The following NKAIN3 variants were observed in gnomAD, a reference collection of about 807,000 sequenced individuals.
NKAIN3 encodes sodium/potassium-transporting ATPase subunit beta-1-interacting protein 3.
Under a neutral mutation model 30.2 loss-of-function variants are expected in NKAIN3, and 25 were observed. That is an observed-to-expected ratio of 0.83 (90% CI 0.60 to 1.16). The LOEUF (loss-of-function observed/expected upper bound fraction) is 1.16. Among genes scored for constraint, NKAIN3 ranks in the 50% most tolerant of loss-of-function variants. The probability of loss-of-function intolerance (pLI) is 0.00; values close to 1 mark genes in which losing one functional copy is unlikely to be tolerated. For missense variants in NKAIN3, 225 were observed against 254.1 expected, an observed-to-expected ratio of 0.89 and a Z score of 0.78; for synonymous variants, 91 against 89.6, an observed-to-expected ratio of 1.02 and a Z score of -0.09.
intron 4 of NKAIN3, among the ~76,000 whole-genome samples, chr8:62,825,368 T>C (rs1818987907): frequency 6.6e-6 from 1 of 152,228 alleles, no homozygotes; most frequent in Admixed American, 6.5e-5. Flanking sequence ...ATAAATTGTG[T>C]ATGTCCAATT....
At chr8:62,710,278 G>A (rs776670043) in intron 3 of NKAIN3, among the ~76,000 whole-genome samples, 1 of 151,990 alleles carries the variant, frequency 6.6e-6, no homozygotes, top group Non-Finnish European at 1.5e-5. Flanking sequence ...TTTCTTTGTT[G>A]ACTTTCTGTC....
chr8:62,363,324 G>A (rs553826884), intron 1 of NKAIN3, among the ~76,000 whole-genome samples: 1 of 152,138 alleles, frequency 6.6e-6, no homozygotes, highest in Non-Finnish European at 1.5e-5. Flanking sequence ...TGTAAGGAGA[G>A]CTCACTTTTT....
intron 1 of NKAIN3, among the ~76,000 whole-genome samples, chr8:62,519,099 A>G (rs1257081205): frequency 6.6e-6 from 1 of 152,196 alleles, no homozygotes; most frequent in African/African-American, 2.4e-5. Flanking sequence ...GGACACAAAA[A>G]AGAAGTTGGA....
intron 4 of NKAIN3, among the ~76,000 whole-genome samples, chr8:62,772,522 T>G (rs1817051764): frequency 6.6e-6 from 1 of 152,214 alleles, no homozygotes; most frequent in African/African-American, 2.4e-5. Context: ...TGGATAAAAC[T>G]ATTTTAACTG....
At chr8:62,312,933 A>G (rs1287848113) in intron 1 of NKAIN3, among the ~76,000 whole-genome samples, 1 of 152,104 alleles carries the variant, frequency 6.6e-6, no homozygotes, top group East Asian at 1.9e-4. Context: ...CTCGAAGTTG[A>G]ATATTTAAAC....
chr8:62,578,225 A>G (rs1810178198), intron 1 of NKAIN3, among the ~76,000 whole-genome samples: 1 of 152,172 alleles, frequency 6.6e-6, no homozygotes. Flanking sequence ...TTAGAACATA[A>G]TAATGGCATT....
intron 4 of NKAIN3, among the ~76,000 whole-genome samples, chr8:62,803,258 G>C (rs1334438524): frequency 6.6e-6 from 1 of 152,204 alleles, no homozygotes; most frequent in East Asian, 1.9e-4. Context: ...TCTGCACCAA[G>C]GGGACCTAAT....
At chr8:62,541,901 T>C (rs1399966408) in intron 1 of NKAIN3, among the ~76,000 whole-genome samples, 1 of 152,196 alleles carries the variant, frequency 6.6e-6, no homozygotes, top group African/African-American at 2.4e-5. Context: ...TTAAAATGTC[T>C]TTTATGTTAA....
intron 1 of NKAIN3, among the ~76,000 whole-genome samples, chr8:62,426,269 T>G (rs934016641): frequency 6.6e-6 from 1 of 151,894 alleles, no homozygotes. Flanking sequence ...GCATGAAAAA[T>G]TTGACAATGG....
At chr8:62,986,347 G>A (rs1824197843), downstream of NKAIN3, among the ~76,000 whole-genome samples, 1 of 152,172 alleles carries the variant, frequency 6.6e-6, no homozygotes, top group African/African-American at 2.4e-5. Flanking sequence ...GCAGAACAGT[G>A]ATAAGTGAAA....
At chr8:62,579,302 C>A (rs1810217929) in intron 1 of NKAIN3, among the ~76,000 whole-genome samples, 1 of 151,936 alleles carries the variant, frequency 6.6e-6, no homozygotes, top group African/African-American at 2.4e-5. Context: ...TCTCACTCTC[C>A]AGATAGATTT....
intron 1 of NKAIN3, among the ~76,000 whole-genome samples, chr8:62,266,317 G>C (rs1812595630): frequency 6.6e-6 from 1 of 152,166 alleles, no homozygotes; most frequent in Non-Finnish European, 1.5e-5. Flanking sequence ...CTACTTTAGA[G>C]TGTGACATGA....
At chr8:62,507,999 C>T (rs1807695679) in intron 1 of NKAIN3, among the ~76,000 whole-genome samples, 1 of 152,146 alleles carries the variant, frequency 6.6e-6, no homozygotes, top group Non-Finnish European at 1.5e-5. Flanking sequence ...GTCTTTTAGG[C>T]TCATCTGGGA....
chr8:62,935,580 C>T (rs1399923888), intron 5 of NKAIN3, among the ~76,000 whole-genome samples: 3 of 151,946 alleles, frequency 2.0e-5, no homozygotes, highest in Non-Finnish European at 4.4e-5. Flanking sequence ...TGCAGTAGTA[C>T]CTTTCTTTCC....
chr8:62,731,992 A>T (rs532975317), intron 3 of NKAIN3, among the ~76,000 whole-genome samples: 25 of 152,250 alleles, frequency 1.6e-4, no homozygotes, highest in Non-Finnish European at 2.6e-4. Context: ...CTCATTAAGA[A>T]TATATAATCA....
intron 1 of NKAIN3, among the ~76,000 whole-genome samples, chr8:62,377,742 T>G: frequency 6.6e-6 from 1 of 152,156 alleles, no homozygotes; most frequent in East Asian, 1.9e-4. Context: ...CTGCTTGCAC[T>G]TATTCTCTCT....
At chr8:62,772,518 A>C (rs1012940212) in intron 4 of NKAIN3, among the ~76,000 whole-genome samples, 1 of 152,156 alleles carries the variant, frequency 6.6e-6, no homozygotes, top group Non-Finnish European at 1.5e-5. Flanking sequence ...CTTTTGGATA[A>C]AACTATTTTA....
At chr8:62,298,128 T>A (rs191858125) in intron 1 of NKAIN3, among the ~76,000 whole-genome samples, 8,686 of 130,244 alleles carry the variant, frequency 0.067, 865 homozygotes, top group African/African-American at 0.23. Flanking sequence ...AACAATGAGA[T>A]CACATGGACA....
chr8:62,435,923 G>C (rs572201075), intron 1 of NKAIN3, among the ~76,000 whole-genome samples: 1 of 152,134 alleles, frequency 6.6e-6, no homozygotes, highest in Non-Finnish European at 1.5e-5. Flanking sequence ...CATTTCTTTA[G>C]CCATTAAATA....
Sources: allele counts gnomAD v4.1 joint callset (sites outside exome capture counted in the v4.1 genomes callset), GRCh38; gene constraint gnomAD v4.1.1; transcripts MANE v1.5; gene names NCBI Gene and HGNC (gene_info 2026-07-23, HGNC 2026-07-21).